CYP2S1: variants seen among roughly 807,000 people sequenced by gnomAD.
CYP2S1 encodes cytochrome P450 family 2 subfamily S member 1, also known as cytochrome P450 2S1.
Under a neutral mutation model 43.5 loss-of-function variants are expected in CYP2S1, and 32 were observed. The observed-to-expected ratio is 0.74, with a 90% confidence interval of 0.56 to 0.99. The LOEUF is 0.99. Ranked by LOEUF, CYP2S1 falls within the 50% of genes least tolerant of loss-of-function variation. The pLI, the probability that CYP2S1 is intolerant of heterozygous loss-of-function variation, is 0.00. For missense variants in CYP2S1, 575 were observed against 673.9 expected, an observed-to-expected ratio of 0.85 and a Z score of 1.62; for synonymous variants, 283 against 302.9, an observed-to-expected ratio of 0.93 and a Z score of 0.68.
chr19:41,201,193 G>C, intron 5 of CYP2S1, 38 bp from the exon 6 acceptor site: 1 of 1,608,480 alleles, frequency 6.2e-7, no homozygotes, highest in Non-Finnish European at 8.5e-7. Flanking sequence ...CTTCCCAAAG[G>C]CTGTGTTCTC....
Position 41,198,365 on chromosome 19 carries a change from C to T in CYP2S1, c.494-97C>T, listed in dbSNP as rs2033441608. On this transcript the variant is annotated intron_variant, in intron 3 of 8. Coordinates refer to ENST00000310054, the MANE Select transcript of CYP2S1 (RefSeq NM_030622.8). This position sits in a 1 kb window ranked among gnomAD's most constrained non-coding sequence, Gnocchi z 4.9. Reference sequence around the variant, plus strand: ...TCCCTGCGCTGTCCATCCATCTTTCCCTGCCTCCCTGTCTCTCTCTGGTTG... The same window carrying T: ...TCCCTGCGCTGTCCATCCATCTTTCTCTGCCTCCCTGTCTCTCTCTGGTTG... 5 of 1,505,756 alleles carry T rather than the reference C, an allele frequency of 3.3e-6. No homozygotes were observed. Among genetic ancestry groups the T allele is most frequent in the Non-Finnish European group, 4.5e-6 (5 of 1,109,192 alleles). The allele number at this position is 1,505,756 out of a possible 1,614,324, so 93.3% of individuals were successfully genotyped here.
chr19:41,198,458 C>A lies in CYP2S1; in HGVS notation c.494-4C>A. On this transcript the variant is annotated splice_polypyrimidine_tract_variant and splice_region_variant and intron_variant, in intron 3 of 8. Transcript: ENST00000310054. The surrounding 1 kb of genome is among the most constrained non-coding windows in gnomAD (Gnocchi z 4.9). The stretch of plus-strand genomic sequence containing the variant: ...GCCTACCTCCCTGCCCCCATTCCCC[C>A]CAGGACGCCCATTCGATCCCTCCCT... 2 of 1,613,708 alleles carry A rather than the reference C, an allele frequency of 1.2e-6. No individual in the cohort carries two copies. Among genetic ancestry groups the A allele is most frequent in the Non-Finnish European group, 1.7e-6 (2 of 1,179,804 alleles).
intron 3 of CYP2S1, 66 bp downstream of exon 3, chr19:41,197,994 T>G: frequency 6.6e-7 from 1 of 1,524,120 alleles, no homozygotes; most frequent in Non-Finnish European, 8.8e-7. Context: ...CTACTGTGGC[T>G]GGGGGTGGCC....
chr19:41,200,170 T>G (rs1239298376), intron 5 of CYP2S1, among the ~76,000 whole-genome samples: 1 of 152,148 alleles, frequency 6.6e-6, no homozygotes, highest in Non-Finnish European at 1.5e-5. Flanking sequence ...ATTTCTTTTC[T>G]CTTTTATTGA....
rs2033535985 is a variant in CYP2S1, at chr19:41,204,470, G to C, written c.1164+833G>C. Among the ~76,000 whole-genome samples the C allele has an allele frequency of 2.6e-5, 4 of 151,940 alleles. No individual in the cohort carries two copies. In the South Asian group the frequency reaches 8.3e-4, roughly 31 times the overall value. On this transcript the variant is annotated intron_variant, in intron 7 of 8. Coordinates refer to ENST00000310054, the MANE Select transcript of CYP2S1 (RefSeq NM_030622.8). ...CGATGCAGAACCAAAAGGGGGCGAT[G>C]TTTCCCCAGAAACCCCAGCAGTTTA...
intron 6 of CYP2S1, 83 bp from the exon 7 acceptor site, chr19:41,203,367 C>T: frequency 7.0e-7 from 1 of 1,426,550 alleles, no homozygotes; most frequent in Non-Finnish European, 9.2e-7. Flanking sequence ...CCCCAAACTA[C>T]AGCTATGCAA....
chr19:41,196,681 G>C (rs1473380547), intron 2 of CYP2S1, among the ~76,000 whole-genome samples: 1 of 152,142 alleles, frequency 6.6e-6, no homozygotes, highest in Non-Finnish European at 1.5e-5. Context: ...AGACACCCAA[G>C]GGGAAGTGCC....
intron 2 of CYP2S1, among the ~76,000 whole-genome samples, chr19:41,197,296 C>T (rs1206283348): frequency 2.0e-5 from 3 of 152,114 alleles, no homozygotes; most frequent in Non-Finnish European, 2.9e-5. Flanking sequence ...GATGGGAGAA[C>T]CAGTTTGATT....
intron 7 of CYP2S1, among the ~76,000 whole-genome samples, chr19:41,204,941 C>T (rs1332223394): frequency 1.3e-5 from 2 of 151,944 alleles, no homozygotes; most frequent in African/African-American, 2.4e-5. Context: ...AATCACTTCC[C>T]CCCCTGAACC....
chr19:41,199,954 G>A (rs2033466821), intron 5 of CYP2S1, among the ~76,000 whole-genome samples: 1 of 139,554 alleles, frequency 7.2e-6, no homozygotes, highest in African/African-American at 2.7e-5. Context: ...TGGGCAACAA[G>A]AGCGAAATTC....
intron 2 of CYP2S1, among the ~76,000 whole-genome samples, chr19:41,196,934 G>T (rs953108427): frequency 6.6e-6 from 1 of 152,180 alleles, no homozygotes; most frequent in African/African-American, 2.4e-5. Flanking sequence ...CGGTGCTCAC[G>T]CTTGCCATTC....
At chr19:41,203,025 C>T (rs1473112637) in intron 6 of CYP2S1, among the ~76,000 whole-genome samples, 3 of 151,750 alleles carry the variant, frequency 2.0e-5, no homozygotes, top group Admixed American at 6.6e-5. Flanking sequence ...CTCCTGAACC[C>T]GGGAGGCGGA....
chr19:41,200,644 G>C (rs760186037), intron 5 of CYP2S1, among the ~76,000 whole-genome samples: 1 of 152,190 alleles, frequency 6.6e-6, no homozygotes, highest in Non-Finnish European at 1.5e-5. Flanking sequence ...AAAGTGCTGG[G>C]ACTACAGGCG....
Position 41,206,567 on chromosome 19 carries a change from T to C in CYP2S1, c.*79T>C. ...AGTGGGCATGGACAGGGTTAATGTCTCCAGAGTGTACACTGCAGGCAGCCA... is the reference window on the plus strand; with the variant it reads ...AGTGGGCATGGACAGGGTTAATGTCCCCAGAGTGTACACTGCAGGCAGCCA... On this transcript the variant is annotated 3_prime_UTR_variant, in exon 9 of 9. Transcript: ENST00000310054. 6.5e-7 allele frequency: 1 copy of C among 1,549,694 alleles called. No homozygotes were observed. The highest frequency in any genetic ancestry group is 2.2e-5 in the East Asian group (1 of 44,568).
At position 41,206,011 on chromosome 19, in the gene CYP2S1, C is replaced by T. The variant is rs780961797; in HGVS notation, c.1218C>T (p.Phe406=). The change falls in exon 8 of 9, where the codon TTC becomes TTT. Residue 406 remains phenylalanine (F), a synonymous_variant. Coordinates refer to ENST00000310054, the MANE Select transcript of CYP2S1 (RefSeq NM_030622.8). ...LGSILHDPNI[F]KHPEEFNPDR... ...CCATCCTGCATGACCCCAACATCTT[C>T]AAGCACCCAGAAGAGTTCAACCCAG... 7.4e-6 allele frequency: 12 copies of T among 1,613,998 alleles called. No homozygotes were observed. The highest frequency in any genetic ancestry group is 1.0e-5 in the Non-Finnish European group (12 of 1,180,022).
intron 2 of CYP2S1, among the ~76,000 whole-genome samples, chr19:41,196,352 C>A (rs1412259437): frequency 6.6e-6 from 1 of 152,120 alleles, no homozygotes; most frequent in Admixed American, 6.6e-5. Flanking sequence ...TGAGTCACGT[C>A]AGAGTGTTTG....
chr19:41,206,402 A>G lies in CYP2S1; in HGVS notation c.1429A>G (p.Thr477Ala). ...GCCGGACACCCTGAGCCTCAAGCCC[A>G]CCGTCAGTGGCCTTTTCAACATTCC... is the stretch of plus-strand genomic sequence containing the variant. Reference protein sequence around the residue: ...CPPDTLSLKPTVSGLFNIPPA... With the variant: ...CPPDTLSLKPAVSGLFNIPPA... The change falls in exon 9 of 9, where the codon ACC (threonine) becomes GCC (alanine). Residue 477 changes from threonine (T) to alanine (A), a missense_variant. This residue lies in a region of CYP2S1 where 222 missense variants were observed against 306.3 expected (regional missense o/e 0.72). Transcript: ENST00000310054. The G allele has an allele frequency of 6.2e-7, 1 of 1,614,082 alleles. No homozygotes were observed. The highest frequency in any genetic ancestry group is 1.3e-5 in the African/African-American group (1 of 75,004).
At chr19:41,197,262 G>A (rs1246600058) in intron 2 of CYP2S1, among the ~76,000 whole-genome samples, 2 of 152,086 alleles carry the variant, frequency 1.3e-5, no homozygotes, top group East Asian at 3.9e-4. Flanking sequence ...TCAGGAGAAT[G>A]TACTCCCTTA....
At chr19:41,202,113 A>G (rs376160656) in intron 6 of CYP2S1, among the ~76,000 whole-genome samples, 146 of 152,024 alleles carry the variant, frequency 9.6e-4, no homozygotes, top group African/African-American at 3.5e-3. Context: ...TCAGCCTCCC[A>G]AGTAGCTAGG....
Sources: allele counts gnomAD v4.1 joint callset (sites outside exome capture counted in the v4.1 genomes callset), GRCh38; gene constraint gnomAD v4.1.1; regional missense constraint gnomAD v4.1.1; non-coding constraint Gnocchi (gnomAD v3.1); transcripts MANE v1.5; gene names NCBI Gene and HGNC (gene_info 2026-07-23, HGNC 2026-07-21).